The following TAS2R1 variants were observed in gnomAD, a reference collection of about 807,000 sequenced individuals.
TAS2R1 encodes taste 2 receptor member 1, also known as taste receptor type 2 member 1.
For missense variants in TAS2R1, 370 were observed against 353.4 expected (o/e 1.05, Z -0.38); for synonymous variants, 141 against 134.2 (o/e 1.05, Z -0.35).
chr5:9,768,906 T>C, the TAS2R1 span, among the ~76,000 whole-genome samples: 4 of 152,204 alleles, frequency 2.6e-5, no homozygotes, highest in African/African-American at 9.6e-5. Context: ...ACATCATCTT[T>C]TCTTTGTATT....
intron 1 of TAS2R1, among the ~76,000 whole-genome samples, chr5:9,672,538 A>G (rs1740789684): frequency 6.6e-6 from 1 of 152,174 alleles, no homozygotes; most frequent in East Asian, 1.9e-4. Context: ...AAAATGCTCA[A>G]TATCACTAAT....
At chr5:9,846,675 C>A in the TAS2R1 span, among the ~76,000 whole-genome samples, 1 of 133,180 alleles carries the variant, frequency 7.5e-6, no homozygotes, top group Non-Finnish European at 1.7e-5. Context: ...CCCAAACACA[C>A]ACACATTGCA....
chr5:9,809,941 A>G, the TAS2R1 span, among the ~76,000 whole-genome samples: 2 of 152,244 alleles, frequency 1.3e-5, no homozygotes, highest in African/African-American at 4.8e-5. Flanking sequence ...AACTCAAGTT[A>G]GTGAAGATAC....
the TAS2R1 span, among the ~76,000 whole-genome samples, chr5:9,834,111 C>T: frequency 6.6e-6 from 1 of 152,178 alleles, no homozygotes; most frequent in Admixed American, 6.5e-5. Context: ...CCTGGAAGAG[C>T]GTAAGGTCCC....
chr5:9,649,808 A>G (rs924204972), intron 2 of TAS2R1, among the ~76,000 whole-genome samples: 2 of 152,218 alleles, frequency 1.3e-5, no homozygotes, highest in African/African-American at 4.8e-5. Context: ...AGTTAGATTC[A>G]TGACAAACAG....
chr5:9,656,170 T>G (rs1740415048), intron 2 of TAS2R1, among the ~76,000 whole-genome samples: 1 of 152,232 alleles, frequency 6.6e-6, no homozygotes, highest in African/African-American at 2.4e-5. Context: ...TATAGGTGCT[T>G]AATAAATATT....
In TAS2R1 at chr5:9,673,675, G is replaced by T. The variant is rs137875866; in HGVS notation, c.-241-14094C>A. On this transcript the variant is annotated intron_variant, in intron 1 of 2. Transcript: ENST00000506620. ...AAAACAGAATTTATCCAGAAAAAGG[G>T]GAATGAAAAAGTTTAGCGTTACCAG... 1.2e-3 allele frequency among the ~76,000 whole-genome samples: 181 copies of T among 151,906 alleles called. 2 individuals carry two copies. The highest frequency in any genetic ancestry group is 4.1e-3 in the African/African-American group (168 of 41,426).
rs1001134697 is a variant in TAS2R1, at chr5:9,628,146, A to G, written c.*987T>C. ...CCATAATTTATCTATCTATCTATCT[A>G]TCTATCTATCTATCTATCTATCTAT... On this transcript the variant is annotated 3_prime_UTR_variant, in exon 1 of 1. Transcript: ENST00000382492. Among the ~76,000 whole-genome samples the G allele has an allele frequency of 5.9e-5, 9 of 151,704 alleles. No homozygotes were observed. The highest frequency in any genetic ancestry group is 2.2e-4 in the African/African-American group (9 of 41,226).
chr5:9,840,591 A>G, the TAS2R1 span, among the ~76,000 whole-genome samples: 9 of 152,036 alleles, frequency 5.9e-5, no homozygotes, highest in Admixed American at 6.6e-5. Context: ...TTTTAATTCT[A>G]TATATTCCTA....
chr5:9,832,957 ATC>A, the TAS2R1 span, among the ~76,000 whole-genome samples: 1 of 152,202 alleles, frequency 6.6e-6, no homozygotes, highest in South Asian at 2.1e-4. Context: ...GACATCAGAC[ATC>A]AATCAATATG....
At chr5:9,763,973 C>A in the TAS2R1 span, among the ~76,000 whole-genome samples, 10 of 152,158 alleles carry the variant, frequency 6.6e-5, no homozygotes, top group Non-Finnish European at 1.2e-4. Context: ...TACTTCCCAA[C>A]TTAGGGAGGA....
chr5:9,828,395 G>A, the TAS2R1 span, among the ~76,000 whole-genome samples: 2 of 152,142 alleles, frequency 1.3e-5, no homozygotes, highest in African/African-American at 2.4e-5. Flanking sequence ...CAAAGTGCTG[G>A]GATTACAGAC....
intron 1 of TAS2R1, among the ~76,000 whole-genome samples, chr5:9,664,094 T>C (rs1305989462): frequency 2.0e-5 from 3 of 152,156 alleles, no homozygotes; most frequent in Non-Finnish European, 2.9e-5. Flanking sequence ...TGGTTTGTTG[T>C]GGCACTCCTA....
At chr5:9,661,825 C>A (rs545083841) in intron 1 of TAS2R1, among the ~76,000 whole-genome samples, 2 of 152,154 alleles carry the variant, frequency 1.3e-5, no homozygotes, top group Non-Finnish European at 2.9e-5. Context: ...ACATGTGCAC[C>A]AATCAGGATA....
chr5:9,889,096 T>C, the TAS2R1 span, among the ~76,000 whole-genome samples: 1 of 152,180 alleles, frequency 6.6e-6, no homozygotes, highest in Non-Finnish European at 1.5e-5. Flanking sequence ...ACCCTTAAAC[T>C]ATACAGACCT....
chr5:9,648,980 T>C (rs1399499107), intron 2 of TAS2R1, among the ~76,000 whole-genome samples: 1 of 152,182 alleles, frequency 6.6e-6, no homozygotes, highest in Non-Finnish European at 1.5e-5. Context: ...GAGTTTGACC[T>C]GAGGTCCACA....
At chr5:9,893,439 C>T in the TAS2R1 span, among the ~76,000 whole-genome samples, 4 of 151,978 alleles carry the variant, frequency 2.6e-5, no homozygotes, top group South Asian at 4.1e-4. Context: ...CCGACTTCTT[C>T]GCTCAGATGG....
chr5:9,843,666 G>C, the TAS2R1 span, among the ~76,000 whole-genome samples: 1 of 152,176 alleles, frequency 6.6e-6, no homozygotes, highest in South Asian at 2.1e-4. Context: ...TCAGGCTATA[G>C]ACTTAATAAA....
At chr5:9,652,677 C>A (rs557488839) in intron 2 of TAS2R1, among the ~76,000 whole-genome samples, 3 of 152,172 alleles carry the variant, frequency 2.0e-5, no homozygotes, top group South Asian at 2.1e-4. Context: ...GATTAACATA[C>A]CCTGACAAAT....
Sources: allele counts gnomAD v4.1 joint callset (sites outside exome capture counted in the v4.1 genomes callset), GRCh38; gene constraint gnomAD v4.1.1; transcripts MANE v1.5; gene names NCBI Gene and HGNC (gene_info 2026-07-23, HGNC 2026-07-21).